The following PCLO variants were observed in gnomAD, a reference collection of about 807,000 sequenced individuals.
PCLO encodes piccolo presynaptic cytomatrix protein.
PCLO carries 82 observed loss-of-function variants against 427.5 expected under a neutral mutation model. The observed-to-expected ratio is 0.19, with a 90% confidence interval of 0.16 to 0.23. The LOEUF (loss-of-function observed/expected upper bound fraction) is 0.23. PCLO is among the 10% of genes least tolerant of loss of function. The probability of loss-of-function intolerance (pLI) is 1.00; values close to 1 mark genes in which losing one functional copy is unlikely to be tolerated. For missense variants in PCLO, 6,239 were observed against 6,115.9 expected, an observed-to-expected ratio of 1.02 and a Z score of -0.67; for synonymous variants, 2,357 against 2,155.4, an observed-to-expected ratio of 1.09 and a Z score of -2.59.
intron 22 of PCLO, among the ~76,000 whole-genome samples, chr7:82,800,411 G>T (rs1340950380): frequency 1.3e-5 from 2 of 152,100 alleles, no homozygotes; most frequent in Non-Finnish European, 2.9e-5. Flanking sequence ...TTCTGTCCTT[G>T]TTCCATGTGT....
chr7:83,155,554 C>A lies in PCLO; in HGVS notation c.1087G>T (p.Ala363Ser). The A allele has an allele frequency of 6.2e-7, 1 of 1,612,894 alleles. No homozygotes were observed. The highest frequency in any genetic ancestry group is 8.5e-7 in the Non-Finnish European group (1 of 1,179,404). ...GGCTTAGCAGGACCAAGAGGCTGAGCTGGAGGCTTTGTTGTCCCTGGTGGC... is the reference window on the plus strand; with the variant it reads ...GGCTTAGCAGGACCAAGAGGCTGAGATGGAGGCTTTGTTGTCCCTGGTGGC... ...VQPPGTTKPP[A>S]QPLGPAKPPA... Residue 363 changes from alanine (A) to serine (S), a missense_variant, in exon 2 of 25, where the codon GCT becomes TCT. Physicochemically the swap from Ala to Ser is moderately conservative, Grantham distance 99. This residue lies in a region of PCLO where 4,677 missense variants were observed against 4,468.4 expected (regional missense o/e 1.05). Coordinates refer to ENST00000333891, the MANE Select transcript of PCLO (RefSeq NM_033026.6).
In PCLO at chr7:82,778,220, A is replaced by G. The variant is rs1004517900; in HGVS notation, c.15008-16727T>C. Among the ~76,000 whole-genome samples the G allele has an allele frequency of 3.9e-5, 6 of 152,342 alleles. No homozygotes were observed. In the South Asian group the frequency reaches 1.2e-3, roughly 32 times the overall value. On this transcript the variant is annotated intron_variant, in intron 22 of 24. Transcript: ENST00000333891. ...CAAATCAAAACCACAATGAGATACC[A>G]TATCATACCAGTCATAATGGCTCTT...
chr7:83,068,848 CA>C (rs1245331430), intron 3 of PCLO, among the ~76,000 whole-genome samples: 9 of 152,074 alleles, frequency 5.9e-5, no homozygotes, highest in Non-Finnish European at 1.0e-4. Flanking sequence ...GCATTATTCA[CA>C]ATAGCCAAGA....
chr7:83,029,197 G>T lies in PCLO; in HGVS notation c.3301-62710C>A, dbSNP rs971376200. On this transcript the variant is annotated intron_variant, in intron 3 of 24. Coordinates refer to ENST00000333891, the MANE Select transcript of PCLO (RefSeq NM_033026.6). Reference sequence around the variant, plus strand: ...ACCTACAAAATGGGAGAAAATTTTCGCAACTTACTCATCTGACAAAGGGCT... The same window carrying T: ...ACCTACAAAATGGGAGAAAATTTTCTCAACTTACTCATCTGACAAAGGGCT... Among the ~76,000 whole-genome samples, 7 of 147,848 alleles carry T rather than the reference G, an allele frequency of 4.7e-5. No homozygotes were observed. In the Admixed American group the frequency reaches 4.7e-4, roughly 10 times the overall value.
At chr7:83,084,628 A>C (rs1365944962) in intron 3 of PCLO, among the ~76,000 whole-genome samples, 1 of 152,190 alleles carries the variant, frequency 6.6e-6, no homozygotes, top group African/African-American at 2.4e-5. Context: ...AAGTATAGTA[A>C]GTTCAGTGTA....
intron 6 of PCLO, among the ~76,000 whole-genome samples, chr7:82,929,360 A>T (rs1794789063): frequency 6.6e-6 from 1 of 152,128 alleles, no homozygotes; most frequent in African/African-American, 2.4e-5. Context: ...GCAGTATATA[A>T]CTTAGCCAAA....
intron 22 of PCLO, among the ~76,000 whole-genome samples, chr7:82,786,622 T>C (rs767423041): frequency 2.1e-4 from 32 of 152,162 alleles, no homozygotes; most frequent in Non-Finnish European, 1.6e-4. Flanking sequence ...CTTTAAGTTC[T>C]GAGGTACATG....
intron 2 of PCLO, among the ~76,000 whole-genome samples, chr7:83,145,547 T>A (rs1791972850): frequency 6.6e-6 from 1 of 152,162 alleles, no homozygotes; most frequent in Non-Finnish European, 1.5e-5. Flanking sequence ...TTGTATGGGA[T>A]CCATTGCCAA....
intron 3 of PCLO, among the ~76,000 whole-genome samples, chr7:83,106,700 T>G (rs1397415815): frequency 6.6e-6 from 1 of 152,154 alleles, no homozygotes; most frequent in Admixed American, 6.6e-5. Flanking sequence ...TATAAGTATG[T>G]TTTATTTCCT....
At chr7:83,062,441 A>G (rs1185720280) in intron 3 of PCLO, among the ~76,000 whole-genome samples, 1 of 152,190 alleles carries the variant, frequency 6.6e-6, no homozygotes, top group Middle Eastern at 3.2e-3. Context: ...TGAACATGAT[A>G]AAAATCAGTG....
chr7:82,783,519 G>A (rs550590231), intron 22 of PCLO, among the ~76,000 whole-genome samples: 163 of 152,278 alleles, frequency 1.1e-3, no homozygotes, highest in Non-Finnish European at 2.1e-3. Context: ...CTACTCAGGA[G>A]GCTGAGGCAG....
intron 3 of PCLO, among the ~76,000 whole-genome samples, chr7:83,100,339 T>C (rs1470750851): frequency 6.6e-6 from 1 of 152,136 alleles, no homozygotes; most frequent in African/African-American, 2.4e-5. Flanking sequence ...TAAACCATTC[T>C]ATTGTAAAGA....
chr7:83,066,526 A>G (rs1789674194), intron 3 of PCLO, among the ~76,000 whole-genome samples: 1 of 152,116 alleles, frequency 6.6e-6, no homozygotes, highest in Non-Finnish European at 1.5e-5. Flanking sequence ...GTCCATCTGT[A>G]TTTTCACACT....
At chr7:82,861,383 A>G (rs543115313) in intron 10 of PCLO, among the ~76,000 whole-genome samples, 1 of 152,056 alleles carries the variant, frequency 6.6e-6, no homozygotes, top group Middle Eastern at 3.2e-3. Flanking sequence ...CCAAGACAAA[A>G]GCTATAAGAA....
rs760474890 is a variant in PCLO, at chr7:82,824,260, C to T, written c.14572G>A (p.Gly4858Ser). The change falls in exon 19 of 25, where the codon GGT becomes AGT. Residue 4858 changes from glycine to serine, a missense_variant. This residue lies in a region of PCLO where 877 missense variants were observed against 925.5 expected (regional missense o/e 0.95). Coordinates refer to ENST00000333891, the MANE Select transcript of PCLO (RefSeq NM_033026.6). ...CCCTTTGATGGGTCAGGGAAGATACCATGGCTTCTGCTTTTGATAACAGAT... is the reference window on the plus strand; with the variant it reads ...CCCTTTGATGGGTCAGGGAAGATACTATGGCTTCTGCTTTTGATAACAGAT... ...KPSVIKSRSHGIFPDPSKDMQ... is the reference protein window; with the variant it reads ...KPSVIKSRSHSIFPDPSKDMQ... The T allele has an allele frequency of 6.2e-7, 1 of 1,612,362 alleles. No homozygotes were observed. The highest frequency in any genetic ancestry group is 1.3e-5 in the African/African-American group (1 of 74,790).
At position 82,756,653 on chromosome 7, in the gene PCLO, C is replaced by T. The variant is rs947683569; in HGVS notation, c.*1922G>A. 1 of 151,910 alleles carries T rather than the reference C, an allele frequency of 6.6e-6. No homozygotes were observed. Among genetic ancestry groups the T allele is most frequent in the Admixed American group, 6.6e-5 (1 of 15,222 alleles). The allele number at this position is 151,910 out of a possible 1,614,324, so 9.4% of individuals were successfully genotyped here. The stretch of plus-strand genomic sequence containing the variant: ...AAAAATGAGAAAATTCAATATCCAA[C>T]CAATATCTAGAGTTGGTTTTCTCTA... On this transcript the variant is annotated 3_prime_UTR_variant, in exon 25 of 25. Coordinates refer to ENST00000333891, the MANE Select transcript of PCLO (RefSeq NM_033026.6).
rs374447208 is a variant in PCLO, at chr7:82,950,567, A to G, written c.10021T>C (p.Tyr3341His). The G allele has an allele frequency of 8.1e-6, 13 of 1,613,730 alleles. No homozygotes were observed. The highest frequency in any genetic ancestry group is 2.7e-5 in the African/African-American group (2 of 74,898). ...AATTGACTGCCTTCCAGAGCAGCAT[A>G]CTGACCTTCCAAAATTGCCTGCTCT... ...TTEQAILEGQ[Y>H]AALEGSQFWA... The change falls in exon 6 of 25, where the codon TAT (tyrosine) becomes CAT (histidine). Residue 3341 changes from tyrosine (Y) to histidine (H), a missense_variant. Tyr to His is a moderately conservative substitution (Grantham distance 83, BLOSUM62 2). Around this residue, in one of 5 missense-constraint regions of PCLO, gnomAD observed 4,677 missense variants for 4,468.4 expected, o/e 1.05. Coordinates refer to ENST00000333891, the MANE Select transcript of PCLO (RefSeq NM_033026.6).
intron 3 of PCLO, among the ~76,000 whole-genome samples, chr7:82,998,837 C>A (rs1179959639): frequency 6.6e-6 from 1 of 151,542 alleles, no homozygotes. Flanking sequence ...AAAGACAGAG[C>A]AAGCACAAGA....
At chr7:82,973,295 C>T (rs1795946181) in intron 3 of PCLO, among the ~76,000 whole-genome samples, 1 of 152,124 alleles carries the variant, frequency 6.6e-6, no homozygotes, top group Admixed American at 6.6e-5. Flanking sequence ...CGAGGCTGTG[C>T]AGCTTCATTC....
Sources: gnomAD v4.1 joint callset for allele counts (sites outside exome capture counted in the v4.1 genomes callset) on GRCh38, gnomAD v4.1.1 for gene constraint, gnomAD v4.1.1 regional missense constraint, MANE v1.5 for transcripts, NCBI Gene and HGNC (gene_info 2026-07-23, HGNC 2026-07-21) for gene names.